Variants in ITGB6 observed in about 807,000 individuals in gnomAD.
ITGB6 encodes integrin subunit beta 6, also known as integrin beta-6.
In ITGB6, 80 loss-of-function variants were observed where a neutral mutation model predicts 84.5. The observed-to-expected ratio is 0.95, with a 90% CI of 0.79 to 1.14. The LOEUF (loss-of-function observed/expected upper bound fraction) is 1.14. Ranked by LOEUF, ITGB6 falls within the 50% of genes most tolerant of loss-of-function variation. ITGB6 has a pLI of 0.00. For missense variants in ITGB6, 1,006 were observed against 968.0 expected (o/e 1.04, Z -0.52); for synonymous variants, 383 against 354.9 (o/e 1.08, Z -0.89).
intron 4 of ITGB6, among the ~76,000 whole-genome samples, chr2:160,186,343 C>A (rs547469991): frequency 6.7e-6 from 1 of 150,128 alleles, no homozygotes; most frequent in Non-Finnish European, 1.5e-5. Context: ...GACATTTATA[C>A]GGCCAAGAAA....
At chr2:160,120,189 A>G (rs1424844171) in intron 12 of ITGB6, among the ~76,000 whole-genome samples, 1 of 152,044 alleles carries the variant, frequency 6.6e-6, no homozygotes, top group African/African-American at 2.4e-5. Flanking sequence ...AGGATTAGAA[A>G]CCATGTTGCT....
chr2:160,197,991 A>G (rs1205183213), intron 2 of ITGB6, among the ~76,000 whole-genome samples: 3 of 152,258 alleles, frequency 2.0e-5, no homozygotes, highest in African/African-American at 7.2e-5. Context: ...GCTACCAAGT[A>G]TTATACACAA....
intron 7 of ITGB6, among the ~76,000 whole-genome samples, chr2:160,162,983 G>A (rs1036415394): frequency 5.3e-5 from 8 of 152,054 alleles, no homozygotes; most frequent in Non-Finnish European, 1.5e-5. Context: ...TAAACCTATA[G>A]TCTTGGTCAG....
chr2:160,141,068 G>A (rs539069324), intron 8 of ITGB6, among the ~76,000 whole-genome samples: 2 of 151,982 alleles, frequency 1.3e-5, no homozygotes, highest in South Asian at 4.1e-4. Context: ...TATTACAGAT[G>A]GGCCTTTTTT....
Position 160,172,667 on chromosome 2 carries a change from G to A in ITGB6, c.823C>T (p.His275Tyr), listed in dbSNP as rs1685257732. 2 of 1,611,514 alleles carry A rather than the reference G, an allele frequency of 1.2e-6. No homozygotes were observed. Among genetic ancestry groups the A allele is most frequent in the Non-Finnish European group, 1.7e-6 (2 of 1,177,924 alleles). The stretch of plus-strand genomic sequence containing the variant: ...GCTAGTTTGCTGTCCATTCCAAAAT[G>A]AGAATCAGCATCACTCACAAAGACC... ...LLVFVSDADS[H>Y]FGMDSKLAGI... Residue 275 changes from histidine to tyrosine, a missense_variant, in exon 6 of 15, where the codon CAT becomes TAT. Transcript: ENST00000283249.
chr2:160,185,742 C>A (rs149127881), intron 4 of ITGB6, among the ~76,000 whole-genome samples: 6,811 of 152,182 alleles, frequency 0.045, 193 homozygotes, highest in Middle Eastern at 0.11. Context: ...CTACAGTAAC[C>A]AAAACAGCAT....
intron 13 of ITGB6, among the ~76,000 whole-genome samples, chr2:160,109,797 G>A (rs1032144086): frequency 6.6e-5 from 10 of 152,128 alleles, no homozygotes; most frequent in East Asian, 1.9e-4. Context: ...TGCTACATGC[G>A]TTGCACAATC....
intron 12 of ITGB6, among the ~76,000 whole-genome samples, chr2:160,118,940 T>G (rs901730377): frequency 1.3e-4 from 20 of 152,134 alleles, no homozygotes; most frequent in African/African-American, 4.8e-4. Flanking sequence ...ATAAAATACC[T>G]AGGAATCCAA....
chr2:160,142,504 T>C (rs1183514939), intron 7 of ITGB6, among the ~76,000 whole-genome samples: 1 of 152,220 alleles, frequency 6.6e-6, no homozygotes, highest in African/African-American at 2.4e-5. Flanking sequence ...CAGGTCGCTC[T>C]GTAAGTCATT....
chr2:160,179,448 G>A (rs1685572819), intron 4 of ITGB6, among the ~76,000 whole-genome samples: 1 of 148,134 alleles, frequency 6.8e-6, no homozygotes, highest in Non-Finnish European at 1.5e-5. Flanking sequence ...GAATGCGGTG[G>A]TGCCATCTCA....
intron 10 of ITGB6, among the ~76,000 whole-genome samples, chr2:160,132,690 A>C (rs73012628): frequency 0.074 from 11,263 of 152,220 alleles, 1,301 homozygotes; most frequent in African/African-American, 0.25. Flanking sequence ...GAACATATTT[A>C]TAATTCTTTT....
intron 8 of ITGB6, among the ~76,000 whole-genome samples, chr2:160,138,986 G>A (rs1683883503): frequency 6.6e-6 from 1 of 152,140 alleles, no homozygotes; most frequent in Non-Finnish European, 1.5e-5. Context: ...CAGTAAGATG[G>A]AGCTCAATTT....
At chr2:160,153,970 T>C (rs1316531615) in intron 7 of ITGB6, among the ~76,000 whole-genome samples, 1 of 152,178 alleles carries the variant, frequency 6.6e-6, no homozygotes, top group Non-Finnish European at 1.5e-5. Flanking sequence ...TATGAACACT[T>C]TTACACCGTT....
intron 12 of ITGB6, among the ~76,000 whole-genome samples, chr2:160,121,219 A>T (rs1413883841): frequency 6.6e-6 from 1 of 152,210 alleles, no homozygotes; most frequent in Non-Finnish European, 1.5e-5. Flanking sequence ...CCAAGGAAAA[A>T]GTAAGGGGTT....
intron 2 of ITGB6, 25 bp from the exon 3 acceptor site, chr2:160,196,445 A>G (rs1340915092): frequency 1.3e-6 from 2 of 1,564,248 alleles, no homozygotes; most frequent in Non-Finnish European, 1.7e-6. Context: ...GAAAAACAAT[A>G]ACCAGAAAAA....
chr2:160,166,914 A>G (rs1286161299), intron 7 of ITGB6, among the ~76,000 whole-genome samples: 1 of 152,346 alleles, frequency 6.6e-6, no homozygotes, highest in Non-Finnish European at 1.5e-5. Flanking sequence ...AGTTACTAAA[A>G]AAAACAGTCA....
intron 7 of ITGB6, among the ~76,000 whole-genome samples, chr2:160,147,963 G>A (rs1397874237): frequency 6.6e-6 from 1 of 152,070 alleles, no homozygotes; most frequent in Non-Finnish European, 1.5e-5. Context: ...AGAAAAAATT[G>A]GTAAGCTGGA....
At chr2:160,147,243 G>C (rs1684233024) in intron 7 of ITGB6, among the ~76,000 whole-genome samples, 1 of 152,052 alleles carries the variant, frequency 6.6e-6, no homozygotes, top group Non-Finnish European at 1.5e-5. Flanking sequence ...TTGCCTCCCA[G>C]TCATTACTCC....
chr2:160,117,808 T>C (rs1169345334), intron 12 of ITGB6, among the ~76,000 whole-genome samples: 2 of 151,972 alleles, frequency 1.3e-5, no homozygotes, highest in Non-Finnish European at 2.9e-5. Context: ...ATCAGATAGA[T>C]GCAATAAAAC....
Sources: allele counts gnomAD v4.1 joint callset (sites outside exome capture counted in the v4.1 genomes callset), GRCh38; gene constraint gnomAD v4.1.1; transcripts MANE v1.5; gene names NCBI Gene and HGNC (gene_info 2026-07-23, HGNC 2026-07-21).